MAF: variants seen among roughly 807,000 people sequenced by gnomAD.
MAF encodes MAF bZIP transcription factor.
A neutral mutation model predicts 22.0 loss-of-function variants in MAF; 10 were observed. The ratio of observed to expected loss-of-function variants is 0.45; its 90% CI spans 0.28 to 0.77. MAF has a LOEUF of 0.77. MAF is among the 30% of genes least tolerant of loss of function. The pLI is 0.12. For missense variants in MAF, 544 were observed against 548.4 expected (o/e 0.99, Z 0.08); for synonymous variants, 337 against 255.8 (o/e 1.32, Z -3.03).
chr16:79,328,589 G>C, the MAF span, among the ~76,000 whole-genome samples: 1,744 of 152,284 alleles, frequency 0.011, 24 homozygotes, highest in African/African-American at 0.039. Flanking sequence ...AAAATCCCTC[G>C]AGCCGAGCTG....
the MAF span, among the ~76,000 whole-genome samples, chr16:79,558,064 C>A: frequency 6.6e-6 from 1 of 150,782 alleles, no homozygotes; most frequent in Admixed American, 6.6e-5. Flanking sequence ...GACACCTGTC[C>A]TGGAAACTGA....
At chr16:79,326,182 T>C in the MAF span, among the ~76,000 whole-genome samples, 9 of 152,226 alleles carry the variant, frequency 5.9e-5, no homozygotes, top group Non-Finnish European at 1.3e-4. Flanking sequence ...CTTGATGATA[T>C]TATGCCTATT....
Position 79,598,904 on chromosome 16 carries a change from C to A in MAF, c.999G>T (p.Glu333Asp), listed in dbSNP as rs1488234895. 1 of 1,613,840 alleles carries A rather than the reference C, an allele frequency of 6.2e-7. No individual in the cohort carries two copies. The highest frequency in any genetic ancestry group is 1.7e-5 in the Admixed American group (1 of 60,008). Residue 333 changes from glutamate (E) to aspartate (D), a missense_variant, in exon 1 of 2, where the codon GAG becomes GAT. Glu to Asp is a conservative substitution (Grantham distance 45). Around this residue, in one of 5 missense-constraint regions of MAF, gnomAD observed 129 missense variants for 113.6 expected, o/e 1.14. Coordinates refer to ENST00000326043, the MANE Select transcript of MAF (RefSeq NM_005360.5). ...LLQQVDHLKQEISRLVRERDA... is the reference protein window; with the variant it reads ...LLQQVDHLKQDISRLVRERDA... ...CCCTCTCGCGCACCAGCCTGGAGAT[C>A]TCCTGCTTGAGGTGGTCGACTTGCT...
At chr16:79,366,746 T>C in the MAF span, among the ~76,000 whole-genome samples, 1 of 152,326 alleles carries the variant, frequency 6.6e-6, no homozygotes, top group East Asian at 1.9e-4. Flanking sequence ...GTGAGAAACG[T>C]ATGGTGCTAG....
chr16:79,316,385 G>A, the MAF span, among the ~76,000 whole-genome samples: 2 of 152,150 alleles, frequency 1.3e-5, no homozygotes, highest in African/African-American at 4.8e-5. Flanking sequence ...ACACACTGTG[G>A]TCTGCAGGAC....
chr16:79,495,608 G>A, the MAF span, among the ~76,000 whole-genome samples: 2 of 152,274 alleles, frequency 1.3e-5, no homozygotes, highest in South Asian at 4.1e-4. Context: ...AACATTCACA[G>A]GTTCCAGAGA....
chr16:79,359,270 C>T, the MAF span, among the ~76,000 whole-genome samples: 1 of 152,170 alleles, frequency 6.6e-6, no homozygotes, highest in Non-Finnish European at 1.5e-5. Flanking sequence ...AAGGGCACAT[C>T]TTTGCACGAG....
the MAF span, among the ~76,000 whole-genome samples, chr16:79,407,587 G>T: frequency 1.3e-5 from 2 of 152,102 alleles, no homozygotes; most frequent in South Asian, 4.1e-4. Context: ...TCATGGCCAT[G>T]GCACGACCCA....
the MAF span, among the ~76,000 whole-genome samples, chr16:79,208,810 GTCAC>G: frequency 6.6e-6 from 1 of 152,192 alleles, no homozygotes; most frequent in Non-Finnish European, 1.5e-5. Context: ...ATATTAAGAT[GTCAC>G]TCAGAGGTTG....
chr16:79,481,927 C>G, the MAF span, among the ~76,000 whole-genome samples: 19 of 152,228 alleles, frequency 1.2e-4, no homozygotes, highest in African/African-American at 4.3e-4. Flanking sequence ...GCGACCTGCT[C>G]AGACTTAGAG....
the MAF span, among the ~76,000 whole-genome samples, chr16:79,208,253 C>T: frequency 3.3e-4 from 50 of 152,240 alleles, no homozygotes; most frequent in African/African-American, 1.2e-3. Context: ...CTGGGCTTCC[C>T]AGAAATTCTC....
the MAF span, among the ~76,000 whole-genome samples, chr16:79,428,059 T>G: frequency 3.4e-4 from 46 of 135,094 alleles, 1 homozygote; most frequent in African/African-American, 1.2e-3. Flanking sequence ...GCCACTGCAC[T>G]CTAGCCCAGG....
chr16:79,313,603 T>C, the MAF span, among the ~76,000 whole-genome samples: 1 of 152,184 alleles, frequency 6.6e-6, no homozygotes, highest in Non-Finnish European at 1.5e-5. Flanking sequence ...GGGGCCACAA[T>C]TTTCAGCTGT....
chr16:79,422,534 C>G, the MAF span, among the ~76,000 whole-genome samples: 5 of 152,248 alleles, frequency 3.3e-5, no homozygotes, highest in East Asian at 5.8e-4. Context: ...TTCTCTTCAT[C>G]TTTAAATTGA....
intron 1 of MAF, among the ~76,000 whole-genome samples, chr16:79,588,621 C>T (rs1449296798): frequency 6.6e-6 from 1 of 151,904 alleles, no homozygotes; most frequent in Non-Finnish European, 1.5e-5. Context: ...GCCCCCACGT[C>T]CTGCTAACTT....
the MAF span, among the ~76,000 whole-genome samples, chr16:79,332,385 C>G: frequency 6.6e-6 from 1 of 152,266 alleles, no homozygotes; most frequent in South Asian, 2.1e-4. Flanking sequence ...ACCGCAAACT[C>G]CACCTCCTGG....
At chr16:79,326,320 G>C in the MAF span, among the ~76,000 whole-genome samples, 5 of 151,998 alleles carry the variant, frequency 3.3e-5, no homozygotes, top group African/African-American at 1.2e-4. Flanking sequence ...GCATACTAGG[G>C]GCTCCATAAA....
the MAF span, among the ~76,000 whole-genome samples, chr16:79,305,476 C>A: frequency 1.3e-5 from 2 of 152,224 alleles, no homozygotes; most frequent in South Asian, 2.1e-4. Flanking sequence ...AGTGCACCTT[C>A]CTCAGAGATG....
chr16:79,234,883 G>T, the MAF span, among the ~76,000 whole-genome samples: 6 of 152,026 alleles, frequency 3.9e-5, no homozygotes, highest in African/African-American at 1.2e-4. Context: ...CCCAGAAGCA[G>T]GGGCTTGACC....
Sources: allele counts gnomAD v4.1 joint callset (sites outside exome capture counted in the v4.1 genomes callset), GRCh38; gene constraint gnomAD v4.1.1; regional missense constraint gnomAD v4.1.1; transcripts MANE v1.5; gene names NCBI Gene and HGNC (gene_info 2026-07-23, HGNC 2026-07-21).